Variants in TRMT11 observed in about 807,000 individuals in gnomAD.
TRMT11 encodes tRNA methyltransferase 11.
A neutral mutation model predicts 62.8 loss-of-function variants in TRMT11; 53 were observed. That is an observed-to-expected ratio of 0.84 (90% CI 0.68 to 1.06). TRMT11 has a LOEUF of 1.06. Ranked by LOEUF, TRMT11 falls within the 50% of genes least tolerant of loss-of-function variation. The pLI, the probability that TRMT11 is intolerant of heterozygous loss-of-function variation, is 0.00. For synonymous variants in TRMT11, 188 were observed against 190.3 expected (o/e 0.99, Z 0.10); for missense variants, 556 against 553.4 (o/e 1.00, Z -0.05).
chr6:125,995,998 A>G lies in TRMT11; in HGVS notation c.170A>G (p.Glu57Gly), dbSNP rs760882089. 2 of 1,612,392 alleles carry G rather than the reference A, an allele frequency of 1.2e-6. No individual in the cohort carries two copies. Among genetic ancestry groups the G allele is most frequent in the Admixed American group, 3.3e-5 (2 of 59,986 alleles). ...TTTTGGATTCTTAGCATTCCCTCTG[A>G]AGATATTGCAAGAAATTTGATGAAA... Reference protein sequence around the residue: ...SPFWILSIPSEDIARNLMKRT... With the variant: ...SPFWILSIPSGDIARNLMKRT... Residue 57 changes from glutamate (E) to glycine (G), a missense_variant, in exon 3 of 13, where the codon GAA (glutamate) becomes GGA (glycine). By Grantham distance (98) the Glu-to-Gly change is moderately conservative. Transcript: ENST00000334379.
chr6:126,060,154 G>A (rs1335490443), intron 17 of TRMT11, among the ~76,000 whole-genome samples: 4 of 152,126 alleles, frequency 2.6e-5, no homozygotes, highest in Admixed American at 6.5e-5. Context: ...TGAAAAGCAC[G>A]GGGACTTTTC....
chr6:125,998,001 C>T, intron 3 of TRMT11, 52 bp from the exon 4 acceptor site: 1 of 1,244,126 alleles, frequency 8.0e-7, no homozygotes, highest in Non-Finnish European at 1.2e-6. Flanking sequence ...GTATGTATTC[C>T]TGTGTGAACT....
At chr6:126,138,089 C>T (rs533048251) in intron 21 of TRMT11, among the ~76,000 whole-genome samples, 156 of 151,704 alleles carry the variant, frequency 1.0e-3, no homozygotes, top group African/African-American at 3.7e-3. Context: ...TTGTATATTT[C>T]AAAATAGCTA....
At chr6:126,226,189 G>A in the TRMT11 span, among the ~76,000 whole-genome samples, 1 of 152,026 alleles carries the variant, frequency 6.6e-6, no homozygotes, top group Non-Finnish European at 1.5e-5. Context: ...TTTAACCATA[G>A]GACAAGAGGA....
chr6:125,994,383 T>C (rs1791125422), intron 2 of TRMT11, among the ~76,000 whole-genome samples: 1 of 152,108 alleles, frequency 6.6e-6, no homozygotes, highest in South Asian at 2.1e-4. Context: ...TCTCACCTGA[T>C]AGTGTCAATA....
the TRMT11 span, among the ~76,000 whole-genome samples, chr6:126,250,555 T>C: frequency 2.0e-5 from 3 of 152,202 alleles, no homozygotes; most frequent in Non-Finnish European, 4.4e-5. Context: ...ATCTTTGTTC[T>C]CCTTTTCATT....
rs762980239 is a variant in TRMT11 at position 126,011,308 on chromosome 6, C to G, written c.816C>G (p.Ala272=). Residue 272 remains alanine (A), a synonymous_variant, in exon 9 of 13, where the codon GCC becomes GCG. Transcript: ENST00000334379. ...GAGGACCAGATGAAAACATTAGGGC[C>G]AATCTTCGTCAATATGGTTTAGAGA... ...KWRGPDENIR[A]NLRQYGLEKY... 3 of 1,613,294 alleles carry G rather than the reference C, an allele frequency of 1.9e-6. No individual in the cohort carries two copies. Among genetic ancestry groups the G allele is most frequent in the South Asian group, 2.2e-5 (2 of 91,034 alleles).
At chr6:126,228,021 TAA>T in the TRMT11 span, among the ~76,000 whole-genome samples, 1 of 152,198 alleles carries the variant, frequency 6.6e-6, no homozygotes, top group Non-Finnish European at 1.5e-5. Context: ...ATCTGTTTTT[TAA>T]AAGTCACTTC....
chr6:126,237,333 C>T, the TRMT11 span, among the ~76,000 whole-genome samples: 1 of 152,146 alleles, frequency 6.6e-6, no homozygotes, highest in South Asian at 2.1e-4. Context: ...TCCATCTCCT[C>T]TGCTGGAAAA....
chr6:126,206,217 C>A (rs1778791268), downstream of TRMT11, among the ~76,000 whole-genome samples: 1 of 152,200 alleles, frequency 6.6e-6, no homozygotes, highest in Admixed American at 6.5e-5. Context: ...GACATAATAA[C>A]CTAGGCTGCT....
chr6:126,256,026 C>A, the TRMT11 span, among the ~76,000 whole-genome samples: 167 of 152,262 alleles, frequency 1.1e-3, no homozygotes, highest in Non-Finnish European at 1.4e-3. Context: ...GGTCATCTGT[C>A]AGCTGAGACC....
chr6:126,126,067 A>G (rs1027298771), intron 21 of TRMT11, among the ~76,000 whole-genome samples: 2 of 152,010 alleles, frequency 1.3e-5, no homozygotes, highest in African/African-American at 4.8e-5. Context: ...CTAGGACACC[A>G]CCACTTCCCA....
rs1200781692 is a variant in TRMT11 at position 126,122,176 on chromosome 6, C to T, written c.*1823+6321C>T. Among the ~76,000 whole-genome samples, 9 of 152,166 alleles carry T rather than the reference C, an allele frequency of 5.9e-5. No homozygotes were observed. In the East Asian group the frequency reaches 1.4e-3, roughly 23 times the overall value. On this transcript the variant is annotated intron_variant and NMD_transcript_variant, in intron 21 of 22. Transcript: ENST00000648977. ...CTTCTGCCATGATTGTGAGGCCTCC[C>T]TAGCCATGTGGAACTGGGAGCCCAT...
the TRMT11 span, among the ~76,000 whole-genome samples, chr6:126,219,813 T>C: frequency 6.6e-6 from 1 of 152,250 alleles, no homozygotes; most frequent in African/African-American, 2.4e-5. Context: ...GCATTTATAA[T>C]GTTCTACGTA....
At chr6:126,024,402 T>C (rs1404388354) in intron 12 of TRMT11, among the ~76,000 whole-genome samples, 1 of 152,180 alleles carries the variant, frequency 6.6e-6, no homozygotes, top group Admixed American at 6.5e-5. Context: ...CTGGTGTCTC[T>C]TTCTCTTCTT....
chr6:126,113,710 T>A (rs1266023590), intron 18 of TRMT11, among the ~76,000 whole-genome samples: 1 of 152,102 alleles, frequency 6.6e-6, no homozygotes, highest in African/African-American at 2.4e-5. Context: ...ATTTTATCCA[T>A]CTGCTTTGTG....
the TRMT11 span, among the ~76,000 whole-genome samples, chr6:126,252,358 T>A: frequency 6.6e-6 from 1 of 152,210 alleles, no homozygotes; most frequent in Non-Finnish European, 1.5e-5. Flanking sequence ...TCCAGTATGG[T>A]GGCCTCAGGG....
chr6:126,258,255 C>A, the TRMT11 span: 2 of 576,180 alleles, frequency 3.5e-6, no homozygotes, highest in South Asian at 1.5e-5. Flanking sequence ...CCTCCTCCTG[C>A]GGCCCTGGGG....
the TRMT11 span, among the ~76,000 whole-genome samples, chr6:126,256,036 C>T: frequency 5.3e-5 from 8 of 152,216 alleles, no homozygotes; most frequent in Admixed American, 1.3e-4. Flanking sequence ...CAGCTGAGAC[C>T]GAAGTTATCT....
Sources: allele counts gnomAD v4.1 joint callset (sites outside exome capture counted in the v4.1 genomes callset), GRCh38; gene constraint gnomAD v4.1.1; transcripts MANE v1.5; gene names NCBI Gene and HGNC (gene_info 2026-07-23, HGNC 2026-07-21).